ULK2: variants seen among roughly 807,000 people sequenced by gnomAD.
The protein encoded by ULK2 is serine/threonine-protein kinase ULK2.
A neutral mutation model predicts 127.5 loss-of-function variants in ULK2; 76 were observed. The observed-to-expected ratio is 0.60, with a 90% CI of 0.50 to 0.72. The LOEUF (loss-of-function observed/expected upper bound fraction) is 0.72, where lower values mean the gene tolerates loss of function less well. Among genes scored for constraint, ULK2 ranks in the 30% least tolerant of loss-of-function variants. The probability of loss-of-function intolerance (pLI) is 0.00; values close to 1 mark genes in which losing one functional copy is unlikely to be tolerated. For missense variants in ULK2, 1,144 were observed against 1,295.9 expected (o/e 0.88, Z 1.80); for synonymous variants, 452 against 461.9 (o/e 0.98, Z 0.28).
chr17:19,796,619 T>C (rs1440392537), intron 18 of ULK2, among the ~76,000 whole-genome samples: 1 of 152,208 alleles, frequency 6.6e-6, no homozygotes, highest in Non-Finnish European at 1.5e-5. Flanking sequence ...ACAAGTATGT[T>C]GACTCAAGGC....
chr17:19,855,757 C>T (rs1455292418), intron 3 of ULK2: 1 of 152,242 alleles, frequency 6.6e-6, no homozygotes, highest in Non-Finnish European at 1.5e-5. Context: ...CAAGTCCTAA[C>T]AATTCTATCT....
intron 13 of ULK2, among the ~76,000 whole-genome samples, chr17:19,814,084 CAA>C (rs1020582482): frequency 4.6e-5 from 7 of 151,584 alleles, no homozygotes; most frequent in Non-Finnish European, 8.8e-5. Context: ...ATAATATAGA[CAA>C]AAAAAGAAAC....
chr17:19,800,668 C>CT (rs1410171989), intron 16 of ULK2, among the ~76,000 whole-genome samples: 6 of 152,182 alleles, frequency 3.9e-5, no homozygotes, highest in East Asian at 1.9e-4. Flanking sequence ...AAGCCCTTCT[C>CT]TTTGTCTCTG....
intron 14 of ULK2, among the ~76,000 whole-genome samples, chr17:19,808,524 T>C (rs911055769): frequency 1.3e-5 from 2 of 152,154 alleles, no homozygotes; most frequent in African/African-American, 4.8e-5. Context: ...TTGCAAATCA[T>C]ACCTGACAAG....
chr17:19,797,552 G>A lies in ULK2; in HGVS notation c.1653C>T (p.Cys551=). 1 of 1,613,872 alleles carries A rather than the reference G, an allele frequency of 6.2e-7. No homozygotes were observed. The highest frequency in any genetic ancestry group is 8.5e-7 in the Non-Finnish European group (1 of 1,179,992). Residue 551 remains cysteine (C), a synonymous_variant, in exon 18 of 27, where the codon TGC becomes TGT. Transcript: ENST00000395544. ...KLRKQHSDPV[C]PSHTGAGYSY... ...TGTACCCAGCCCCAGTATGGGATGGGCACACGGGGTCAGAGTGCTGTTTTC... is the reference window on the plus strand; with the variant it reads ...TGTACCCAGCCCCAGTATGGGATGGACACACGGGGTCAGAGTGCTGTTTTC...
At chr17:19,807,483 C>T (rs547920428) in intron 14 of ULK2, among the ~76,000 whole-genome samples, 39 of 152,232 alleles carry the variant, frequency 2.6e-4, no homozygotes, top group African/African-American at 9.1e-4. Context: ...TGTCTGGATG[C>T]ACAAGGAATA....
intron 10 of ULK2, among the ~76,000 whole-genome samples, chr17:19,835,153 CT>C (rs61210380): frequency 0.089 from 13,047 of 146,480 alleles, 959 homozygotes; most frequent in East Asian, 0.33. Flanking sequence ...GTTTTTGTTT[CT>C]TTTTTTTTTG....
At position 19,867,639 on chromosome 17, in the gene ULK2, T is replaced by TCATGGCCCGGCCTGCCGCC; in HGVS notation, c.-241_-223dup. 1.2e-5 allele frequency: 3 copies of TCATGGCCCGGCCTGCCGCC among 256,462 alleles called. No individual in the cohort carries two copies. The highest frequency in any genetic ancestry group is 2.2e-5 in the Non-Finnish European group (3 of 137,376). The allele number at this position is 256,462 out of a possible 1,614,324, so 15.9% of individuals were successfully genotyped here. A position where few individuals can be genotyped will look rare whatever the true frequency, so the allele number is the denominator to read the frequency against. On this transcript the variant is annotated 5_prime_UTR_variant, in exon 1 of 27. It adds an upstream start codon to the 5' untranslated region. Coordinates refer to ENST00000395544, the MANE Select transcript of ULK2 (RefSeq NM_014683.4). ...CGAGGCCCGGCCCGGCCCCTGCCGC[T>TCATGGCCCGGCCTGCCGCC]CATGGCCCGGCCTGCCGCCGGCCGC...
chr17:19,825,652 C>T (rs571705657), intron 11 of ULK2, among the ~76,000 whole-genome samples: 2 of 150,596 alleles, frequency 1.3e-5, no homozygotes, highest in South Asian at 4.2e-4. Context: ...AGAGGTTGTA[C>T]CACTGCACTC....
intron 8 of ULK2, among the ~76,000 whole-genome samples, chr17:19,842,184 CTTTTTCTT>C (rs2041775933): frequency 8.4e-6 from 1 of 119,212 alleles, no homozygotes; most frequent in Non-Finnish European, 1.8e-5. Context: ...CACTAATTTT[CTTTTTCTT>C]TTTTTTTTTT....
intron 1 of ULK2, 108 bp downstream of exon 1, chr17:19,867,220 G>A (rs2042371159): frequency 4.9e-6 from 4 of 816,012 alleles, no homozygotes; most frequent in Middle Eastern, 3.8e-4. Context: ...AGCATACCCG[G>A]GCGGCTAGCC....
chr17:19,838,627 A>G, intron 9 of ULK2, 44 bp from the exon 10 acceptor site: 1 of 1,509,336 alleles, frequency 6.6e-7, no homozygotes, highest in Non-Finnish European at 9.1e-7. Flanking sequence ...ATAAGTTTAT[A>G]TACATAAACA....
chr17:19,789,435 G>A (rs1281297807), intron 20 of ULK2, among the ~76,000 whole-genome samples: 1 of 152,220 alleles, frequency 6.6e-6, no homozygotes, highest in Admixed American at 6.5e-5. Context: ...GACGGGTACA[G>A]ATTGCAAAGC....
intron 10 of ULK2, among the ~76,000 whole-genome samples, chr17:19,837,853 T>C (rs2041635131): frequency 6.6e-6 from 1 of 152,220 alleles, no homozygotes; most frequent in Admixed American, 6.5e-5. Context: ...CTCTTCCCCT[T>C]ACATGCACAC....
intron 6 of ULK2, 125 bp from the exon 7 acceptor site, chr17:19,845,502 T>TA (rs1330401779): frequency 1.5e-6 from 1 of 667,236 alleles, no homozygotes; most frequent in Non-Finnish European, 2.5e-6. Context: ...CTTATTGAAT[T>TA]AGACTGTCCA....
rs762859263 is a variant in ULK2 at position 19,776,333 on chromosome 17, G to A, written c.*16C>T. 13 of 1,595,850 alleles carry A rather than the reference G, an allele frequency of 8.1e-6. 1 individual carries two copies. Among genetic ancestry groups the A allele is most frequent in the South Asian group, 5.7e-5 (5 of 87,628 alleles). On this transcript the variant is annotated 3_prime_UTR_variant, in exon 27 of 27. Transcript: ENST00000395544. ...CCTCACGTTCCCACCACCGGTCCAC[G>A]GGATGAGCCTGCTGCTCACACGGTT...
In ULK2 at chr17:19,867,376, G is replaced by T; in HGVS notation, c.42C>A (p.Leu14=). ...CCACGGCGAAGGCCCCGTGTCCCACGAGATCCCTCTTGCTGTACTCGAAGT... is the reference window on the plus strand; with the variant it reads ...CCACGGCGAAGGCCCCGTGTCCCACTAGATCCCTCTTGCTGTACTCGAAGT... ...VGDFEYSKRD[L]VGHGAFAVVF... is the part of the protein sequence containing the mutation. The change falls in exon 1 of 27, where the codon CTC becomes CTA. Residue 14 remains leucine, a synonymous_variant. Transcript: ENST00000395544. The T allele has an allele frequency of 6.2e-7, 1 of 1,603,618 alleles. No homozygotes were observed. Among genetic ancestry groups the T allele is most frequent in the South Asian group, 1.1e-5 (1 of 89,938 alleles).
At chr17:19,862,231 G>C (rs532569454) in intron 3 of ULK2, among the ~76,000 whole-genome samples, 1 of 151,650 alleles carries the variant, frequency 6.6e-6, no homozygotes, top group East Asian at 1.9e-4. Flanking sequence ...TGAGTAACTG[G>C]GATTACAGGC....
At chr17:19,838,648 C>A (rs2041657034) in intron 9 of ULK2, 65 bp from the exon 10 acceptor site, 1 of 1,397,316 alleles carries the variant, frequency 7.2e-7, no homozygotes, top group African/African-American at 1.4e-5. Flanking sequence ...TTAACTTTTG[C>A]CTTCCATATA....
Sources: allele counts gnomAD v4.1 joint callset (sites outside exome capture counted in the v4.1 genomes callset), GRCh38; gene constraint gnomAD v4.1.1; transcripts MANE v1.5; gene names NCBI Gene and HGNC (gene_info 2026-07-23, HGNC 2026-07-21).